FGD4: variants seen among roughly 807,000 people sequenced by gnomAD.
The protein encoded by FGD4 is FYVE, RhoGEF and PH domain containing 4.
In FGD4, 42 loss-of-function variants were observed where a neutral mutation model predicts 102.0. The observed-to-expected ratio is 0.41, with a 90% CI of 0.32 to 0.53. FGD4 has a LOEUF of 0.53. FGD4 is among the 20% of genes least tolerant of loss of function. FGD4 has a pLI of 0.21. For missense variants in FGD4, 902 were observed against 1,078.2 expected (o/e 0.84, Z 2.29); for synonymous variants, 380 against 375.7 (o/e 1.01, Z -0.13).
At chr12:32,474,559 T>G (rs1943537615) in intron 1 of FGD4, among the ~76,000 whole-genome samples, 2 of 152,168 alleles carry the variant, frequency 1.3e-5, no homozygotes, top group Admixed American at 6.5e-5. Flanking sequence ...ACAGAAAGAT[T>G]AGCGTTGCTT....
intron 1 of FGD4, among the ~76,000 whole-genome samples, chr12:32,509,933 TA>T (rs2136667561): frequency 6.6e-6 from 1 of 152,226 alleles, no homozygotes; most frequent in East Asian, 1.9e-4. Flanking sequence ...CAGTGCCCAG[TA>T]GAAACACATA....
chr12:32,487,624 G>A (rs1456841011), intron 1 of FGD4, among the ~76,000 whole-genome samples: 3 of 152,132 alleles, frequency 2.0e-5, no homozygotes, highest in Admixed American at 6.5e-5. Context: ...ACGAGGTTTT[G>A]CCATGTTGGC....
At chr12:32,536,013 G>A (rs1444078429) in intron 1 of FGD4, among the ~76,000 whole-genome samples, 1 of 151,676 alleles carries the variant, frequency 6.6e-6, no homozygotes, top group Non-Finnish European at 1.5e-5. Context: ...TACACTACTG[G>A]ATAATTTTGT....
At chr12:32,577,090 A>T (rs1039078503) in intron 3 of FGD4, among the ~76,000 whole-genome samples, 1 of 152,176 alleles carries the variant, frequency 6.6e-6, no homozygotes, top group Non-Finnish European at 1.5e-5. Context: ...GAAAAAACAA[A>T]GGTAGGTGAA....
Position 32,566,604 on chromosome 12 carries a change from A to G in FGD4, c.319+2315A>G, listed in dbSNP as rs139015911. 1.8e-3 allele frequency among the ~76,000 whole-genome samples: 281 copies of G among 152,306 alleles called. 1 individual carries two copies. The highest frequency in any genetic ancestry group is 6.8e-3 in the Middle Eastern group (2 of 294). On this transcript the variant is annotated intron_variant, in intron 2 of 16. Coordinates refer to ENST00000534526, the MANE Select transcript of FGD4 (RefSeq NM_001370298.3). ...GCCATGCAGGGACCAACGTCCCTGA[A>G]ACGAGGCTACATCTTAGTATTGTCA...
intron 1 of FGD4, among the ~76,000 whole-genome samples, chr12:32,499,852 C>T (rs1938055289): frequency 6.6e-6 from 1 of 152,072 alleles, no homozygotes; most frequent in Non-Finnish European, 1.5e-5. Flanking sequence ...TCCGTCTGTA[C>T]TAAAAATACA....
chr12:32,429,311 G>C (rs944983757), intron 1 of FGD4, among the ~76,000 whole-genome samples: 2 of 152,198 alleles, frequency 1.3e-5, no homozygotes, highest in Non-Finnish European at 2.9e-5. Flanking sequence ...GGAGTTTGCT[G>C]GAGGTCCATT....
intron 1 of FGD4, among the ~76,000 whole-genome samples, chr12:32,466,437 T>G (rs919510798): frequency 6.6e-6 from 1 of 152,132 alleles, no homozygotes; most frequent in Admixed American, 6.6e-5. Context: ...TTGCTCTTGC[T>G]TGGGAGGCTG....
chr12:32,469,538 CCCAA>C (rs1440075228), intron 1 of FGD4, among the ~76,000 whole-genome samples: 3 of 152,234 alleles, frequency 2.0e-5, no homozygotes, highest in Non-Finnish European at 4.4e-5. Context: ...GCCTCAGCCT[CCCAA>C]AGTGCTGGGA....
chr12:32,603,755 T>G (rs1363016303), intron 7 of FGD4, among the ~76,000 whole-genome samples: 1 of 151,664 alleles, frequency 6.6e-6, no homozygotes, highest in Non-Finnish European at 1.5e-5. Context: ...CAGGCTAGAG[T>G]GCAGTGGCCC....
intron 1 of FGD4, among the ~76,000 whole-genome samples, chr12:32,557,840 G>C (rs1425395783): frequency 6.6e-6 from 1 of 152,080 alleles, no homozygotes; most frequent in African/African-American, 2.4e-5. Context: ...GTTTTAGCTA[G>C]CATATGGGAG....
intron 10 of FGD4, among the ~76,000 whole-genome samples, chr12:32,613,012 CATA>C (rs921803564): frequency 6.6e-6 from 1 of 152,024 alleles, no homozygotes; most frequent in Non-Finnish European, 1.5e-5. Flanking sequence ...TAATAAGAAT[CATA>C]ATAATATGCA....
intron 2 of FGD4, 71 bp downstream of exon 2, chr12:32,564,360 T>A: frequency 6.7e-7 from 1 of 1,487,168 alleles, no homozygotes; most frequent in African/African-American, 1.4e-5. Context: ...AGAAAAATGA[T>A]GGCCACAAAG....
intron 1 of FGD4, among the ~76,000 whole-genome samples, chr12:32,513,418 T>C (rs995129743): frequency 6.6e-6 from 1 of 152,216 alleles, no homozygotes; most frequent in Non-Finnish European, 1.5e-5. Context: ...GTGTGGGACA[T>C]GATCCAGTGA....
intron 4 of FGD4, among the ~76,000 whole-genome samples, chr12:32,596,564 T>C (rs1486830366): frequency 2.6e-5 from 4 of 151,496 alleles, no homozygotes; most frequent in Non-Finnish European, 4.4e-5. Flanking sequence ...GAAAGTAGAA[T>C]TATGTATGCA....
At chr12:32,539,005 G>T (rs1010128013) in intron 1 of FGD4, among the ~76,000 whole-genome samples, 1 of 152,130 alleles carries the variant, frequency 6.6e-6, no homozygotes, top group South Asian at 2.1e-4. Context: ...AGTGAGCTGA[G>T]ATCGTGCTAT....
Position 32,609,921 on chromosome 12 carries a change from C to A in FGD4, c.1544-855C>A, listed in dbSNP as rs1158013156. ...GCAAGAGGTCTCGGCATCCACAGCA[C>A]TTCACCAGCAGCCTCTGGAGCTCCT... On this transcript the variant is annotated intron_variant, in intron 8 of 16. Coordinates refer to ENST00000534526, the MANE Select transcript of FGD4 (RefSeq NM_001370298.3). Among the ~76,000 whole-genome samples the A allele has an allele frequency of 2.6e-5, 4 of 152,178 alleles. No homozygotes were observed. In the East Asian group the frequency reaches 5.8e-4, roughly 22 times the overall value.
In FGD4 at chr12:32,427,381, G is replaced by A. The variant is rs151174516; in HGVS notation, c.166+27422G>A. On this transcript the variant is annotated intron_variant, in intron 1 of 16. Coordinates refer to ENST00000534526, the MANE Select transcript of FGD4 (RefSeq NM_001370298.3). Reference sequence around the variant, plus strand: ...TCCATGTAGTTGTGCAGTTTTGAGTGAGTTTCTTAATCCTGAGTTCTAATT... The same window carrying A: ...TCCATGTAGTTGTGCAGTTTTGAGTAAGTTTCTTAATCCTGAGTTCTAATT... Among the ~76,000 whole-genome samples the A allele has an allele frequency of 4.4e-3, 663 of 152,338 alleles. 11 individuals carry two copies. Among genetic ancestry groups the A allele is most frequent in the African/African-American group, 0.015 (639 of 41,582 alleles).
At chr12:32,603,165 A>G (rs916005693) in intron 7 of FGD4, among the ~76,000 whole-genome samples, 1 of 152,150 alleles carries the variant, frequency 6.6e-6, no homozygotes, top group Non-Finnish European at 1.5e-5. Context: ...CAGTGCTACA[A>G]TTGTTATGGA....
Sources: allele counts gnomAD v4.1 joint callset (sites outside exome capture counted in the v4.1 genomes callset), GRCh38; gene constraint gnomAD v4.1.1; transcripts MANE v1.5; gene names NCBI Gene and HGNC (gene_info 2026-07-23, HGNC 2026-07-21).